The following RGSL1 variants were observed in gnomAD, a reference collection of about 807,000 sequenced individuals.
RGSL1 encodes the protein regulator of G protein signaling protein-like.
A neutral mutation model predicts 124.7 loss-of-function variants in RGSL1; 97 were observed. The ratio of observed to expected loss-of-function variants is 0.78; its 90% CI spans 0.66 to 0.92. The LOEUF (loss-of-function observed/expected upper bound fraction) is 0.92. Among genes scored for constraint, RGSL1 ranks in the 40% least tolerant of loss-of-function variants. The probability of loss-of-function intolerance (pLI) is 0.00; values close to 1 mark genes in which losing one functional copy is unlikely to be tolerated. For synonymous variants in RGSL1, 424 were observed against 438.1 expected (o/e 0.97, Z 0.40); for missense variants, 1,233 against 1,288.4 (o/e 0.96, Z 0.66).
At chr1:182,517,282 G>T (rs1360394632) in intron 9 of RGSL1, among the ~76,000 whole-genome samples, 4 of 142,512 alleles carry the variant, frequency 2.8e-5, no homozygotes, top group African/African-American at 7.8e-5. Flanking sequence ...TTCTATTTCT[G>T]TTTTTTTTTT....
At chr1:182,530,408 T>C in intron 12 of RGSL1, 47 bp downstream of exon 12, 3 of 1,457,642 alleles carry the variant, frequency 2.1e-6, no homozygotes, top group Non-Finnish European at 2.8e-6. Flanking sequence ...AGTTGCTCCT[T>C]GGCTTCTGAA....
intron 15 of RGSL1, among the ~76,000 whole-genome samples, chr1:182,545,850 CT>C (rs1227077872): frequency 6.6e-6 from 1 of 152,114 alleles, no homozygotes; most frequent in African/African-American, 2.4e-5. Flanking sequence ...GATTCTCTCT[CT>C]GTCCTCGACC....
chr1:182,545,711 G>GT (rs1558423780), intron 15 of RGSL1, among the ~76,000 whole-genome samples: 1 of 151,438 alleles, frequency 6.6e-6, no homozygotes. Flanking sequence ...TTTTGTTTTG[G>GT]TTTGGTTTTT....
chr1:182,467,627 T>A (rs1653453531), intron 4 of RGSL1, among the ~76,000 whole-genome samples: 1 of 152,166 alleles, frequency 6.6e-6, no homozygotes, highest in South Asian at 2.1e-4. Context: ...TCAAGATGGA[T>A]TAAAGACTTA....
intron 4 of RGSL1, among the ~76,000 whole-genome samples, chr1:182,463,029 C>T (rs112142121): frequency 0.011 from 1,625 of 152,236 alleles, 26 homozygotes; most frequent in African/African-American, 0.036. Context: ...CGTGGTGGCT[C>T]ATGCCTGTAA....
chr1:182,460,409 G>T (rs371803073), intron 4 of RGSL1, among the ~76,000 whole-genome samples: 1 of 152,164 alleles, frequency 6.6e-6, no homozygotes, highest in African/African-American at 2.4e-5. Flanking sequence ...AAATATGCAG[G>T]AATCTGATGG....
At chr1:182,517,829 G>A (rs1264276711) in intron 9 of RGSL1, among the ~76,000 whole-genome samples, 1 of 152,084 alleles carries the variant, frequency 6.6e-6, no homozygotes, top group African/African-American at 2.4e-5. Flanking sequence ...CTACTATTTT[G>A]AATTCTTGGT....
intron 2 of RGSL1, among the ~76,000 whole-genome samples, chr1:182,456,928 C>G (rs1247737744): frequency 1.3e-5 from 2 of 152,164 alleles, no homozygotes; most frequent in Non-Finnish European, 2.9e-5. Context: ...AGGCAGATCA[C>G]TTGAGGTCAA....
rs1378523421 is a variant in RGSL1 at position 182,472,564 on chromosome 1, ATTATAAAGCATC to A, written c.463+10_463+21del. On this transcript the variant is annotated splice_region_variant and intron_variant, in intron 5 of 21. Coordinates refer to ENST00000294854, the MANE Select transcript of RGSL1 (RefSeq NM_001137669.2). ...CTCTGTAACATGAACATCAGTAAGA[ATTATAAAGCATC>A]TTTTTGGGGGGATGCAACAAAAAAG... is the stretch of plus-strand genomic sequence containing the variant. The A allele has an allele frequency of 2.0e-6, 3 of 1,510,464 alleles. No individual in the cohort carries two copies. Among genetic ancestry groups the A allele is most frequent in the Non-Finnish European group, 2.7e-6 (3 of 1,118,646 alleles). The allele number at this position is 1,510,464 out of a possible 1,614,324, so 93.6% of individuals were successfully genotyped here. A position where few individuals can be genotyped will look rare whatever the true frequency, so the allele number is the denominator to read the frequency against.
chr1:182,448,799 C>T (rs560097566), upstream of RGSL1, among the ~76,000 whole-genome samples: 1 of 152,214 alleles, frequency 6.6e-6, no homozygotes, highest in East Asian at 1.9e-4. Context: ...ACTGGCTTTT[C>T]ATCTTTACTG....
intron 10 of RGSL1, among the ~76,000 whole-genome samples, chr1:182,526,346 A>G (rs772983174): frequency 2.8e-4 from 43 of 152,174 alleles, no homozygotes; most frequent in Non-Finnish European, 5.4e-4. Context: ...TCAATACAAT[A>G]TTAGCAAATC....
intron 9 of RGSL1, 142 bp from the exon 10 acceptor site, chr1:182,521,862 A>G: frequency 1.7e-6 from 1 of 599,800 alleles, no homozygotes; most frequent in Admixed American, 3.0e-5. Context: ...TTAACACTAG[A>G]TGAACTTAAC....
At chr1:182,499,694 G>A (rs1027671891) in intron 9 of RGSL1, among the ~76,000 whole-genome samples, 13 of 152,186 alleles carry the variant, frequency 8.5e-5, no homozygotes, top group African/African-American at 3.1e-4. Context: ...ATATTGATAG[G>A]TGTGGATTTG....
At chr1:182,508,605 G>GT (rs1037235113) in intron 9 of RGSL1, among the ~76,000 whole-genome samples, 6 of 150,358 alleles carry the variant, frequency 4.0e-5, no homozygotes, top group African/African-American at 1.2e-4. Flanking sequence ...GGCTCTCATA[G>GT]TTTTGATTTG....
intron 6 of RGSL1, among the ~76,000 whole-genome samples, chr1:182,487,475 G>C (rs1391081222): frequency 1.3e-5 from 2 of 152,162 alleles, no homozygotes; most frequent in East Asian, 3.9e-4. Context: ...CGATGCCTTT[G>C]CTTAAGCTCT....
rs1239762857 is a variant in RGSL1, at chr1:182,551,187, C to G, written c.3021C>G (p.Asp1007Glu). 6.4e-7 allele frequency: 1 copy of G among 1,551,350 alleles called. No homozygotes were observed. The highest frequency in any genetic ancestry group is 8.7e-7 in the Non-Finnish European group (1 of 1,146,674). The change falls in exon 18 of 22, where the codon GAC (aspartate) becomes GAG (glutamate). Residue 1007 changes from aspartate to glutamate, a missense_variant. Physicochemically the swap from Asp to Glu is conservative, Grantham distance 45. Transcript: ENST00000294854. ...GAAAAAGCCCTCCTAAATCTACGGA[C>G]AAGTATCCTTTCTCGAGTGGAGGTA... ...KDRKSPPKST[D>E]KYPFSSGGDN...
chr1:182,480,669 T>C (rs1445559810), intron 6 of RGSL1, among the ~76,000 whole-genome samples: 1 of 152,088 alleles, frequency 6.6e-6, no homozygotes. Context: ...TTGGCCAAGC[T>C]GGTCTCAAAC....
chr1:182,528,573 G>A (rs984906192), intron 11 of RGSL1, among the ~76,000 whole-genome samples: 6 of 152,158 alleles, frequency 3.9e-5, no homozygotes, highest in African/African-American at 9.7e-5. Flanking sequence ...AAATTGGCCC[G>A]AAGAAAGGAG....
intron 8 of RGSL1, among the ~76,000 whole-genome samples, chr1:182,492,362 G>A (rs1187619174): frequency 6.6e-6 from 1 of 152,092 alleles, no homozygotes; most frequent in South Asian, 2.1e-4. Context: ...CTCAACAGAT[G>A]GATGCTTTGA....
Sources: allele counts gnomAD v4.1 joint callset (sites outside exome capture counted in the v4.1 genomes callset), GRCh38; gene constraint gnomAD v4.1.1; transcripts MANE v1.5; gene names NCBI Gene and HGNC (gene_info 2026-07-23, HGNC 2026-07-21).